APP: variants seen among roughly 807,000 people sequenced by gnomAD.
APP encodes amyloid-beta precursor protein.
APP carries 31 observed loss-of-function variants against 101.4 expected under a neutral mutation model. The ratio of observed to expected loss-of-function variants is 0.31; its 90% CI spans 0.23 to 0.41. The LOEUF is 0.41. APP is among the 10% of genes least tolerant of loss of function. The pLI, the probability that APP is intolerant of heterozygous loss-of-function variation, is 1.00. For missense variants in APP, 839 were observed against 1,003.7 expected, an observed-to-expected ratio of 0.84 and a Z score of 2.22; for synonymous variants, 366 against 364.4, an observed-to-expected ratio of 1.00 and a Z score of -0.05.
chr21:26,084,273 C>G, intron 3 of APP, among the ~76,000 whole-genome samples: 1 of 129,250 alleles, frequency 7.7e-6, no homozygotes. Context: ...GAGTCTCGCT[C>G]TGTCCCCCAG....
intron 5 of APP, among the ~76,000 whole-genome samples, chr21:26,038,368 A>G (rs2045216713): frequency 6.6e-6 from 1 of 152,212 alleles, no homozygotes; most frequent in Non-Finnish European, 1.5e-5. Context: ...TATAATAGCC[A>G]TGATTATCAA....
chr21:26,161,748 T>C (rs1456967470), intron 1 of APP, among the ~76,000 whole-genome samples: 1 of 152,198 alleles, frequency 6.6e-6, no homozygotes, highest in African/African-American at 2.4e-5. Context: ...AAAATTATAT[T>C]TGTGTTAAAC....
intron 13 of APP, among the ~76,000 whole-genome samples, chr21:25,939,684 A>G (rs1601462039): frequency 6.6e-6 from 1 of 152,148 alleles, no homozygotes; most frequent in East Asian, 1.9e-4. Context: ...TTCTCATGAT[A>G]CTGACATTGC....
intron 1 of APP, among the ~76,000 whole-genome samples, chr21:26,164,304 C>A (rs753139327): frequency 5.9e-5 from 9 of 152,192 alleles, no homozygotes; most frequent in South Asian, 2.1e-4. Flanking sequence ...AGAGAAATGC[C>A]GCATTCTCAA....
intron 1 of APP, among the ~76,000 whole-genome samples, chr21:26,112,987 A>C (rs531997562): frequency 6.6e-6 from 1 of 152,330 alleles, no homozygotes; most frequent in African/African-American, 2.4e-5. Flanking sequence ...CCTTTACAAA[A>C]ATATTTTTAA....
intron 12 of APP, 47 bp from the exon 13 acceptor site, chr21:25,954,736 G>A (rs201652578): frequency 6.7e-7 from 1 of 1,484,720 alleles, no homozygotes; most frequent in Non-Finnish European, 9.4e-7. Flanking sequence ...CTGGGGGTAG[G>A]AATGGTTCTT....
intron 2 of APP, among the ~76,000 whole-genome samples, chr21:26,101,465 T>C (rs1303598955): frequency 6.6e-6 from 1 of 152,194 alleles, no homozygotes; most frequent in Non-Finnish European, 1.5e-5. Flanking sequence ...ACTGACAATA[T>C]GTAACTCTTA....
chr21:26,137,115 T>C (rs1325087295), intron 1 of APP, among the ~76,000 whole-genome samples: 1 of 152,182 alleles, frequency 6.6e-6, no homozygotes, highest in African/African-American at 2.4e-5. Context: ...TAATTTTTCC[T>C]ATTTTCAGTA....
chr21:25,962,547 C>T (rs985665898), intron 11 of APP, among the ~76,000 whole-genome samples: 1 of 152,140 alleles, frequency 6.6e-6, no homozygotes, highest in Non-Finnish European at 1.5e-5. Context: ...AGAATAGTGG[C>T]CTTCCCAATT....
At chr21:25,926,032 A>G (rs1412908348) in intron 13 of APP, among the ~76,000 whole-genome samples, 1 of 152,224 alleles carries the variant, frequency 6.6e-6, no homozygotes, top group East Asian at 1.9e-4. Flanking sequence ...GCCAAGAAAC[A>G]ATACTGCCAG....
intron 7 of APP, among the ~76,000 whole-genome samples, chr21:25,998,390 G>GAAA (rs377532580): frequency 2.7e-5 from 3 of 110,050 alleles, no homozygotes; most frequent in Admixed American, 9.7e-5. Context: ...ATCAGAGCCA[G>GAAA]AAAAAAAAAA....
At chr21:26,098,043 G>C (rs2061984523) in intron 2 of APP, among the ~76,000 whole-genome samples, 1 of 131,766 alleles carries the variant, frequency 7.6e-6, no homozygotes. Context: ...TCGCGCCACT[G>C]CACTCCAGCC....
chr21:26,148,152 A>G (rs1008781437), intron 1 of APP, among the ~76,000 whole-genome samples: 1 of 152,212 alleles, frequency 6.6e-6, no homozygotes. Context: ...AGAAGCCACA[A>G]ACCCCTTCAA....
chr21:26,064,093 A>T (rs1028480306), intron 3 of APP, among the ~76,000 whole-genome samples: 3 of 152,240 alleles, frequency 2.0e-5, no homozygotes, highest in Non-Finnish European at 4.4e-5. Context: ...CTTTAAGGTT[A>T]TTAAAAAACT....
chr21:25,965,182 CAT>C (rs771244532), intron 11 of APP, among the ~76,000 whole-genome samples: 32 of 152,302 alleles, frequency 2.1e-4, no homozygotes, highest in African/African-American at 4.6e-4. Flanking sequence ...AACAGTGAAA[CAT>C]GTGTACACTT....
chr21:26,008,335 G>C (rs561289911), intron 6 of APP, among the ~76,000 whole-genome samples: 1 of 152,276 alleles, frequency 6.6e-6, no homozygotes, highest in South Asian at 2.1e-4. Context: ...CTCAACCTTT[G>C]TTTCCTGTTT....
chr21:25,933,506 G>A (rs781210618), intron 13 of APP, among the ~76,000 whole-genome samples: 1 of 152,122 alleles, frequency 6.6e-6, no homozygotes, highest in Non-Finnish European at 1.5e-5. Flanking sequence ...TTAAATACTA[G>A]GTCTTGCTTC....
intron 3 of APP, among the ~76,000 whole-genome samples, chr21:26,085,146 T>C (rs1214346259): frequency 1.3e-5 from 2 of 152,200 alleles, no homozygotes; most frequent in Non-Finnish European, 2.9e-5. Flanking sequence ...TTTTACTTAG[T>C]ATGCTGGTTC....
chr21:25,881,522 CT>C lies in APP; in HGVS notation c.*147del, dbSNP rs2036981428. The C allele has an allele frequency of 1.2e-6, 1 of 849,556 alleles. No homozygotes were observed. Among genetic ancestry groups the C allele is most frequent in the Admixed American group, 1.9e-5 (1 of 52,240 alleles). 52.6% of individuals were successfully genotyped at this position (849,556 alleles called of 1,614,324 possible). The stretch of plus-strand genomic sequence containing the variant: ...GGATTAATTCAAGTTCAGGCATCTA[CT>C]TGTGTTACAGCACAGCTGTCAAAAG... On this transcript the variant is annotated 3_prime_UTR_variant, in exon 18 of 18. Coordinates refer to ENST00000346798, the MANE Select transcript of APP (RefSeq NM_000484.4).
Sources: allele counts gnomAD v4.1 joint callset (sites outside exome capture counted in the v4.1 genomes callset), GRCh38; gene constraint gnomAD v4.1.1; transcripts MANE v1.5; gene names NCBI Gene and HGNC (gene_info 2026-07-23, HGNC 2026-07-21).